EXTL3: variants seen among roughly 807,000 people sequenced by gnomAD.
EXTL3 encodes exostosin-like 3.
A neutral mutation model predicts 69.3 loss-of-function variants in EXTL3; 27 were observed. That is an observed-to-expected ratio of 0.39 (90% confidence interval 0.29 to 0.54). The LOEUF (loss-of-function observed/expected upper bound fraction) is 0.54. EXTL3 is among the 20% of genes least tolerant of loss of function. The pLI, the probability that EXTL3 is intolerant of heterozygous loss-of-function variation, is 0.69. For synonymous variants in EXTL3, 511 were observed against 499.4 expected, an observed-to-expected ratio of 1.02 and a Z score of -0.31; for missense variants, 1,003 against 1,231.8, an observed-to-expected ratio of 0.81 and a Z score of 2.78.
chr8:28,635,681 A>G (rs1806642099), intron 1 of EXTL3, among the ~76,000 whole-genome samples: 1 of 147,782 alleles, frequency 6.8e-6, no homozygotes. Flanking sequence ...ACTGCACTCC[A>G]GGCTGGGCAA....
intron 1 of EXTL3, among the ~76,000 whole-genome samples, chr8:28,685,705 A>G (rs1459258620): frequency 6.6e-6 from 1 of 151,998 alleles, no homozygotes; most frequent in Non-Finnish European, 1.5e-5. Flanking sequence ...AGTTTTTTGT[A>G]CATTTGAAAT....
At chr8:28,745,803 G>T (rs1358921479) in intron 6 of EXTL3, among the ~76,000 whole-genome samples, 1 of 152,150 alleles carries the variant, frequency 6.6e-6, no homozygotes, top group Non-Finnish European at 1.5e-5. Flanking sequence ...CATTAGTTAA[G>T]CCATCTCTTC....
At chr8:28,665,784 C>T (rs1161006527) in intron 1 of EXTL3, among the ~76,000 whole-genome samples, 1 of 152,144 alleles carries the variant, frequency 6.6e-6, no homozygotes, top group Admixed American at 6.5e-5. Context: ...ACCTTAATTA[C>T]CAAGTACGCT....
intron 1 of EXTL3, among the ~76,000 whole-genome samples, chr8:28,639,924 A>C (rs1197446299): frequency 1.3e-5 from 2 of 152,188 alleles, no homozygotes; most frequent in Middle Eastern, 3.2e-3. Context: ...CCAACATGGC[A>C]AAACCCTGTC....
chr8:28,703,782 C>T (rs1482547992), intron 1 of EXTL3, among the ~76,000 whole-genome samples: 2 of 152,198 alleles, frequency 1.3e-5, no homozygotes, highest in Non-Finnish European at 2.9e-5. Context: ...CCTAAAACTG[C>T]CTACTCCATT....
chr8:28,692,299 G>A (rs1049376824), intron 1 of EXTL3, among the ~76,000 whole-genome samples: 4 of 152,122 alleles, frequency 2.6e-5, no homozygotes, highest in African/African-American at 9.7e-5. Context: ...TTTGATCTAT[G>A]GCATAGTGTT....
intron 2 of EXTL3, among the ~76,000 whole-genome samples, chr8:28,608,327 G>A (rs556064014): frequency 2.6e-5 from 4 of 152,096 alleles, no homozygotes; most frequent in East Asian, 1.9e-4. Flanking sequence ...AGGCACAAAC[G>A]TGCCTAATGT....
rs1038295432 is a variant in EXTL3, at chr8:28,754,181, C to G, written c.*3315C>G. On this transcript the variant is annotated 3_prime_UTR_variant, in exon 7 of 7. Transcript: ENST00000220562. Reference sequence around the variant, plus strand: ...CTATAGGTCACTAAGGCACCTGTACCTGCACCGAGCTGACGCTCCCTGACT... The same window carrying G: ...CTATAGGTCACTAAGGCACCTGTACGTGCACCGAGCTGACGCTCCCTGACT... 1 of 152,276 alleles carries G rather than the reference C, an allele frequency of 6.6e-6. No individual in the cohort carries two copies. Among genetic ancestry groups the G allele is most frequent in the Non-Finnish European group, 1.5e-5 (1 of 68,166 alleles). 9.4% of individuals were successfully genotyped at this position (152,276 alleles called of 1,614,324 possible). A position where few individuals can be genotyped will look rare whatever the true frequency, so the allele number is the denominator to read the frequency against.
intron 3 of EXTL3, among the ~76,000 whole-genome samples, chr8:28,730,971 T>G (rs989273524): frequency 6.6e-6 from 1 of 152,258 alleles, no homozygotes; most frequent in African/African-American, 2.4e-5. Context: ...TAAAATAATC[T>G]TCAGCTTTTG....
At chr8:28,619,140 T>A (rs1409237936), upstream of EXTL3, among the ~76,000 whole-genome samples, 1 of 148,518 alleles carries the variant, frequency 6.7e-6, no homozygotes, top group Non-Finnish European at 1.5e-5. Flanking sequence ...TGTGTCTCAG[T>A]TCTGTTACCT....
At chr8:28,739,550 C>G (rs977482605) in intron 5 of EXTL3, among the ~76,000 whole-genome samples, 1 of 152,016 alleles carries the variant, frequency 6.6e-6, no homozygotes, top group African/African-American at 2.4e-5. Context: ...AGGCTGGTCT[C>G]GAACTCCTGG....
At chr8:28,683,254 C>G (rs1193979409) in intron 1 of EXTL3, among the ~76,000 whole-genome samples, 1 of 151,892 alleles carries the variant, frequency 6.6e-6, no homozygotes, top group East Asian at 1.9e-4. Flanking sequence ...TTCATATGGA[C>G]TTTAGGATTA....
At chr8:28,744,075 A>AGCAT (rs1801834543) in intron 6 of EXTL3, 1 of 152,220 alleles carries the variant, frequency 6.6e-6, no homozygotes, top group South Asian at 2.1e-4. Context: ...AGCAAGTTAG[A>AGCAT]GCATGCTGGT....
At chr8:28,699,983 A>G (rs565754906), upstream of EXTL3, 1 of 151,726 alleles carries the variant, frequency 6.6e-6, no homozygotes, top group South Asian at 2.1e-4. Flanking sequence ...GTCTCCTCCC[A>G]CACTGCCAAG....
chr8:28,667,189 G>A (rs1807210395), intron 1 of EXTL3, among the ~76,000 whole-genome samples: 1 of 152,232 alleles, frequency 6.6e-6, no homozygotes, highest in South Asian at 2.1e-4. Flanking sequence ...ATTGCATTGG[G>A]GGTCAAGACT....
Position 28,717,368 on chromosome 8 carries a change from G to C in EXTL3, c.1309G>C (p.Gly437Arg). ...LSTFALIITPGDPRLVISSGC... is the reference protein window; with the variant it reads ...LSTFALIITPRDPRLVISSGC... ...CACCTTCGCCCTCATCATTACCCCCGGGGACCCTCGCTTGGTTATTTCCTC... is the reference window on the plus strand; with the variant it reads ...CACCTTCGCCCTCATCATTACCCCCCGGGACCCTCGCTTGGTTATTTCCTC... Residue 437 changes from glycine to arginine, a missense_variant, in exon 3 of 7, where the codon GGG becomes CGG. Transcript: ENST00000220562. This position sits in a 1 kb window ranked among gnomAD's most constrained non-coding sequence, Gnocchi z 8.3. 6.2e-7 allele frequency: 1 copy of C among 1,614,156 alleles called. No individual in the cohort carries two copies. The highest frequency in any genetic ancestry group is 8.5e-7 in the Non-Finnish European group (1 of 1,180,030).
At chr8:28,682,971 T>C (rs1268389940) in intron 1 of EXTL3, among the ~76,000 whole-genome samples, 1 of 152,244 alleles carries the variant, frequency 6.6e-6, no homozygotes, top group Non-Finnish European at 1.5e-5. Flanking sequence ...TTCATTCTTT[T>C]GAATGTGGAT....
chr8:28,666,305 T>A (rs1209380308), intron 1 of EXTL3, among the ~76,000 whole-genome samples: 2 of 152,164 alleles, frequency 1.3e-5, no homozygotes, highest in Non-Finnish European at 2.9e-5. Context: ...TTAGACAATG[T>A]CTCACTCTGT....
At chr8:28,612,111 T>C (rs560683332) in intron 2 of EXTL3, among the ~76,000 whole-genome samples, 1 of 152,304 alleles carries the variant, frequency 6.6e-6, no homozygotes, top group African/African-American at 2.4e-5. Context: ...TGTTTAAATC[T>C]CCTATCGTAA....
Sources: gnomAD v4.1 joint callset for allele counts (sites outside exome capture counted in the v4.1 genomes callset) on GRCh38, gnomAD v4.1.1 for gene constraint, Gnocchi (gnomAD v3.1) non-coding constraint, MANE v1.5 for transcripts, NCBI Gene and HGNC (gene_info 2026-07-23, HGNC 2026-07-21) for gene names.